MAP1B: variants seen among roughly 807,000 people sequenced by gnomAD.
MAP1B encodes microtubule-associated protein 1B.
MAP1B carries 12 observed loss-of-function variants against 176.1 expected under a neutral mutation model. The observed-to-expected ratio is 0.07, with a 90% CI of 0.04 to 0.11. The LOEUF (loss-of-function observed/expected upper bound fraction) is 0.11, where lower values mean the gene tolerates loss of function less well. Among genes scored for constraint, MAP1B ranks in the 10% least tolerant of loss-of-function variants. The pLI is 1.00. For synonymous variants in MAP1B, 1,044 were observed against 1,135.0 expected (o/e 0.92, Z 1.61); for missense variants, 2,523 against 2,990.5 (o/e 0.84, Z 3.65).
chr5:72,197,202 C>T lies in MAP1B; in HGVS notation c.3847C>T (p.Pro1283Ser), dbSNP rs751093317. The change falls in exon 5 of 7, where the codon CCC becomes TCC. Residue 1283 changes from proline to serine, a missense_variant. Coordinates refer to ENST00000296755, the MANE Select transcript of MAP1B (RefSeq NM_005909.5). Reference protein sequence around the residue: ...GERSVNFSLTPNEIKVSAEAE... With the variant: ...GERSVNFSLTSNEIKVSAEAE... ...ACGTAGTGTGAACTTCTCTCTGACG[C>T]CCAATGAGATTAAAGTCTCTGCAGA... 1 of 1,614,198 alleles carries T rather than the reference C, an allele frequency of 6.2e-7. No homozygotes were observed. Among genetic ancestry groups the T allele is most frequent in the Non-Finnish European group, 8.5e-7 (1 of 1,180,034 alleles).
intron 6 of MAP1B, 22 bp from the exon 7 acceptor site, chr5:72,205,061 AT>A (rs763152671): frequency 1.5e-3 from 2,105 of 1,426,406 alleles, no homozygotes; most frequent in Admixed American, 3.8e-3. Flanking sequence ...TTAAATAGCT[AT>A]TTTTTTTTTC....
intron 2 of MAP1B, among the ~76,000 whole-genome samples, chr5:72,141,716 G>C (rs1745949913): frequency 6.6e-6 from 1 of 152,272 alleles, no homozygotes; most frequent in South Asian, 2.1e-4. Context: ...TATATGGAGA[G>C]GTTCTGAGAC....
At chr5:72,119,507 G>T (rs1745489355) in intron 2 of MAP1B, among the ~76,000 whole-genome samples, 1 of 152,172 alleles carries the variant, frequency 6.6e-6, no homozygotes, top group African/African-American at 2.4e-5. Flanking sequence ...GTCTTTTGTT[G>T]TTGTTGTTGT....
chr5:72,198,444 T>C lies in MAP1B; in HGVS notation c.5089T>C (p.Ser1697Pro), dbSNP rs756581779. ...CTACAGTCCTTCTGACATGCAGGAC[T>C]CCAGTTTATCACATAAGATACCACC... ...VDYSPSDMQD[S>P]SLSHKIPPME... Residue 1697 changes from serine to proline, a missense_variant, in exon 5 of 7, where the codon TCC becomes CCC. This residue lies in a region of MAP1B where 1,925 missense variants were observed against 2,126.0 expected (regional missense o/e 0.91). Transcript: ENST00000296755. The C allele has an allele frequency of 4.3e-6, 7 of 1,613,858 alleles. No individual in the cohort carries two copies. The African/African-American group carries it at 9.3e-5, about 22-fold the overall frequency.
chr5:72,180,053 TGCTGTGGAGGCAGGTGGACTGTGCAG>T, intron 2 of MAP1B: 1 of 423,984 alleles, frequency 2.4e-6, no homozygotes. Context: ...GGGAAGAGCG[TGCTGTGGAGGCAGGTGGACTGTGCAG>T]GCTGCTGTCG....
chr5:72,185,142 G>A (rs999401802), intron 3 of MAP1B, among the ~76,000 whole-genome samples: 2 of 152,150 alleles, frequency 1.3e-5, no homozygotes, highest in African/African-American at 2.4e-5. Flanking sequence ...TACTGCATTC[G>A]TTTCCAGGCT....
At chr5:72,189,254 ACGGTACAATTGT>A (rs1580015211) in intron 4 of MAP1B, among the ~76,000 whole-genome samples, 1 of 152,222 alleles carries the variant, frequency 6.6e-6, no homozygotes, top group Non-Finnish European at 1.5e-5. Context: ...GAACTAACAG[ACGGTACAATTGT>A]CTGGCTAACC....
At chr5:72,120,797 G>A (rs751853158) in intron 2 of MAP1B, among the ~76,000 whole-genome samples, 2 of 152,150 alleles carry the variant, frequency 1.3e-5, no homozygotes, top group Non-Finnish European at 2.9e-5. Flanking sequence ...CTTGTCACAT[G>A]GAAACAAATG....
intron 2 of MAP1B, among the ~76,000 whole-genome samples, chr5:72,119,476 T>C (rs758705896): frequency 4.0e-4 from 61 of 152,246 alleles, no homozygotes; most frequent in Non-Finnish European, 7.3e-4. Context: ...AGTAGTTGAG[T>C]CTTTTCAAAA....
intron 2 of MAP1B, among the ~76,000 whole-genome samples, chr5:72,145,634 T>C (rs1746030680): frequency 6.6e-6 from 1 of 152,220 alleles, no homozygotes; most frequent in African/African-American, 2.4e-5. Flanking sequence ...TAATTTCACC[T>C]GACAATATTC....
rs1747195947 is a variant in MAP1B at position 72,197,196 on chromosome 5, C to T, written c.3841C>T (p.Leu1281=). ...GGGTGAACGTAGTGTGAACTTCTCT[C>T]TGACGCCCAATGAGATTAAAGTCTC... ...PLGERSVNFS[L]TPNEIKVSAE... The change falls in exon 5 of 7, where the codon CTG becomes TTG. Residue 1281 remains leucine (L), a synonymous_variant. Transcript: ENST00000296755. 6.2e-7 allele frequency: 1 copy of T among 1,614,112 alleles called. No individual in the cohort carries two copies.
At chr5:72,158,426 T>G (rs1561301383) in intron 2 of MAP1B, among the ~76,000 whole-genome samples, 1 of 152,122 alleles carries the variant, frequency 6.6e-6, no homozygotes, top group South Asian at 2.1e-4. Context: ...ATACAACGAT[T>G]TAGGTGATTA....
In MAP1B at chr5:72,204,968, A is replaced by G; in HGVS notation, c.7252-116A>G. The G allele has an allele frequency of 1.5e-6, 1 of 662,570 alleles. No individual in the cohort carries two copies. The highest frequency in any genetic ancestry group is 2.4e-6 in the Non-Finnish European group (1 of 413,080). The allele number at this position is 662,570 out of a possible 1,614,324, so 41.0% of individuals were successfully genotyped here. On this transcript the variant is annotated intron_variant, in intron 6 of 6. Coordinates refer to ENST00000296755, the MANE Select transcript of MAP1B (RefSeq NM_005909.5). The surrounding 1 kb of genome is among the most constrained non-coding windows in gnomAD (Gnocchi z 4.4). ...TTTGCATTTCTTGAGGAAAATAGAA[A>G]AGTTTTCTCTCATTTCCCTTCTTCT...
At chr5:72,148,354 A>G (rs2112162591) in intron 2 of MAP1B, among the ~76,000 whole-genome samples, 1 of 152,344 alleles carries the variant, frequency 6.6e-6, no homozygotes, top group East Asian at 1.9e-4. Context: ...TGAGACCCAC[A>G]GAAGGGCCCA....
In MAP1B at chr5:72,198,364, C is replaced by G. The variant is rs376881954; in HGVS notation, c.5009C>G (p.Pro1670Arg). The G allele has an allele frequency of 2.4e-5, 38 of 1,614,068 alleles. 1 individual carries two copies. In the East Asian group the frequency reaches 4.2e-4, roughly 18 times the overall value. ...MDFSRQSPDH[P>R]TVGAGVLHIT... Reference sequence around the variant, plus strand: ...TTCAGTCGACAGTCTCCAGATCACCCTACAGTGGGTGCAGGCGTGCTTCAC... The same window carrying G: ...TTCAGTCGACAGTCTCCAGATCACCGTACAGTGGGTGCAGGCGTGCTTCAC... Residue 1670 changes from proline to arginine, a missense_variant, in exon 5 of 7, where the codon CCT becomes CGT. Around this residue, in one of 4 missense-constraint regions of MAP1B, gnomAD observed 1,925 missense variants for 2,126.0 expected, o/e 0.91. Coordinates refer to ENST00000296755, the MANE Select transcript of MAP1B (RefSeq NM_005909.5).
chr5:72,198,542 C>T lies in MAP1B; in HGVS notation c.5187C>T (p.Ser1729=). The part of the protein sequence containing the change: ...ELISVSQVEA[S]PSTSSAHTPS... ...TCTCAGTATCTCAGGTAGAGGCCTC[C>T]CCGTCCACCTCTTCTGCTCATACCC... The change falls in exon 5 of 7, where the codon TCC becomes TCT. Residue 1729 remains serine (S), a synonymous_variant. Coordinates refer to ENST00000296755, the MANE Select transcript of MAP1B (RefSeq NM_005909.5). 2 of 1,613,984 alleles carry T rather than the reference C, an allele frequency of 1.2e-6. No individual in the cohort carries two copies. Among genetic ancestry groups the T allele is most frequent in the Non-Finnish European group, 1.7e-6 (2 of 1,180,014 alleles).
intron 2 of MAP1B, among the ~76,000 whole-genome samples, chr5:72,142,701 C>A (rs1315818109): frequency 2.1e-5 from 3 of 144,540 alleles, no homozygotes; most frequent in South Asian, 2.2e-4. Context: ...CCAAGTAGAA[C>A]AAGAAAAATT....
At chr5:72,137,035 T>C (rs1265298677) in intron 2 of MAP1B, among the ~76,000 whole-genome samples, 1 of 152,244 alleles carries the variant, frequency 6.6e-6, no homozygotes, top group Non-Finnish European at 1.5e-5. Flanking sequence ...TTATGGCACA[T>C]GAAATTGGCT....
chr5:72,197,032 C>G lies in MAP1B; in HGVS notation c.3677C>G (p.Ala1226Gly). The G allele has an allele frequency of 6.2e-7, 1 of 1,614,206 alleles. No individual in the cohort carries two copies. Among genetic ancestry groups the G allele is most frequent in the South Asian group, 1.1e-5 (1 of 91,086 alleles). ...DKFSRSALRD[A>G]YCSEVKASTT... is the part of the protein sequence containing the mutation. ...TTCAGCAGATCTGCTTTACGTGATGCTTACTGCTCTGAAGTGAAAGCCAGC... is the reference window on the plus strand; with the variant it reads ...TTCAGCAGATCTGCTTTACGTGATGGTTACTGCTCTGAAGTGAAAGCCAGC... The change falls in exon 5 of 7, where the codon GCT becomes GGT. Residue 1226 changes from alanine to glycine, a missense_variant. Physicochemically the swap from Ala to Gly is moderately conservative, Grantham distance 60 (BLOSUM62 0). This residue lies in a region of MAP1B where 1,925 missense variants were observed against 2,126.0 expected (regional missense o/e 0.91). Coordinates refer to ENST00000296755, the MANE Select transcript of MAP1B (RefSeq NM_005909.5).
Sources: allele counts gnomAD v4.1 joint callset (sites outside exome capture counted in the v4.1 genomes callset), GRCh38; gene constraint gnomAD v4.1.1; regional missense constraint gnomAD v4.1.1; non-coding constraint Gnocchi (gnomAD v3.1); transcripts MANE v1.5; gene names NCBI Gene and HGNC (gene_info 2026-07-23, HGNC 2026-07-21).